Variants in GPD1L observed in about 807,000 individuals in gnomAD.
The protein encoded by GPD1L is glycerol-3-phosphate dehydrogenase 1-like protein.
In GPD1L, 17 loss-of-function variants were observed where a neutral mutation model predicts 32.9. That is an observed-to-expected ratio of 0.52 (90% CI 0.35 to 0.78). The LOEUF is 0.78. Ranked by LOEUF, GPD1L falls within the 30% of genes least tolerant of loss-of-function variation. The pLI is 0.01. For missense variants in GPD1L, 361 were observed against 447.8 expected, an observed-to-expected ratio of 0.81 and a Z score of 1.75; for synonymous variants, 187 against 165.9, an observed-to-expected ratio of 1.13 and a Z score of -0.98.
chr3:32,116,468 C>T (rs1700335044), intron 1 of GPD1L, among the ~76,000 whole-genome samples: 1 of 152,106 alleles, frequency 6.6e-6, no homozygotes, highest in Non-Finnish European at 1.5e-5. Context: ...GCAATGATGG[C>T]AGATAAATTT....
At chr3:32,118,977 T>C (rs1700369589) in intron 1 of GPD1L, among the ~76,000 whole-genome samples, 1 of 152,228 alleles carries the variant, frequency 6.6e-6, no homozygotes, top group South Asian at 2.1e-4. Context: ...TAATATCCCA[T>C]TGCATGTGTA....
At chr3:32,159,951 C>G (rs1038414092) in intron 7 of GPD1L, among the ~76,000 whole-genome samples, 1 of 152,110 alleles carries the variant, frequency 6.6e-6, no homozygotes, top group African/African-American at 2.4e-5. Flanking sequence ...TAGTTTGTCT[C>G]GCAGGGTGTT....
intron 5 of GPD1L, among the ~76,000 whole-genome samples, chr3:32,156,573 G>A (rs1359019278): frequency 6.6e-6 from 1 of 152,134 alleles, no homozygotes; most frequent in Non-Finnish European, 1.5e-5. Context: ...CTGTTCTGTG[G>A]GTCTGTGGGG....
intron 1 of GPD1L, among the ~76,000 whole-genome samples, chr3:32,123,850 A>G (rs1052467907): frequency 6.6e-6 from 1 of 151,326 alleles, no homozygotes; most frequent in African/African-American, 2.4e-5. Flanking sequence ...AGACAGACAG[A>G]TAAGACCCAT....
intron 5 of GPD1L, among the ~76,000 whole-genome samples, chr3:32,152,460 A>G (rs957825105): frequency 6.6e-6 from 1 of 152,228 alleles, no homozygotes; most frequent in South Asian, 2.1e-4. Flanking sequence ...GGGCACCAGC[A>G]GTTCTGGTGT....
At chr3:32,148,607 C>T (rs1022343344) in intron 5 of GPD1L, among the ~76,000 whole-genome samples, 10 of 152,158 alleles carry the variant, frequency 6.6e-5, no homozygotes, top group South Asian at 4.1e-4. Context: ...ATAAGGAAAT[C>T]GAGATCCAAA....
intron 1 of GPD1L, among the ~76,000 whole-genome samples, chr3:32,107,310 C>T (rs1700178463): frequency 6.6e-6 from 1 of 152,190 alleles, no homozygotes; most frequent in African/African-American, 2.4e-5. Flanking sequence ...GGAAGAAAAT[C>T]CAAGTTTCAA....
intron 1 of GPD1L, among the ~76,000 whole-genome samples, chr3:32,117,706 C>G (rs1248331020): frequency 6.6e-6 from 1 of 152,166 alleles, no homozygotes; most frequent in African/African-American, 2.4e-5. Flanking sequence ...GTAGAATATG[C>G]TTGTTTGAAG....
intron 5 of GPD1L, among the ~76,000 whole-genome samples, chr3:32,148,498 T>TA (rs1700865105): frequency 6.6e-6 from 1 of 152,194 alleles, no homozygotes; most frequent in Non-Finnish European, 1.5e-5. Context: ...CGAGATCAGT[T>TA]ACCATCATTC....
In GPD1L at chr3:32,116,034, C is replaced by T. The variant is rs940213543; in HGVS notation, c.47+9276C>T. 6.6e-5 allele frequency among the ~76,000 whole-genome samples: 10 copies of T among 151,886 alleles called. No homozygotes were observed. In the South Asian group the frequency reaches 1.9e-3, roughly 28 times the overall value. ...CGATCTCCTGACCTCGTGATGTGCC[C>T]GCCTCGGCCTCTCAAAGTGCTGGGT... On this transcript the variant is annotated intron_variant, in intron 1 of 7. Coordinates refer to ENST00000282541, the MANE Select transcript of GPD1L (RefSeq NM_015141.4).
At chr3:32,138,869 T>A in intron 3 of GPD1L, 142 bp downstream of exon 3, 1 of 849,504 alleles carries the variant, frequency 1.2e-6, no homozygotes. Context: ...TGCTCAAAAG[T>A]CATAAAAAAA....
At position 32,115,758 on chromosome 3, in the gene GPD1L, C is replaced by CTTTTTTTTTTTTTTTTTTTT. The variant is rs539068850; in HGVS notation, c.47+9029_47+9048dup. ...CTAAACCCTTTTCGTGTACGTTGAACTTTTTTTTTTTTTTTTTTTTTTTTT... is the reference window on the plus strand; with the variant it reads ...CTAAACCCTTTTCGTGTACGTTGAACTTTTTTTTTTTTTTTTTTTTTTTTTTTTTTTTTTTTTTTTTTTTT... On this transcript the variant is annotated intron_variant, in intron 1 of 7. Coordinates refer to ENST00000282541, the MANE Select transcript of GPD1L (RefSeq NM_015141.4). Among the ~76,000 whole-genome samples the CTTTTTTTTTTTTTTTTTTTT allele has an allele frequency of 3.1e-4, 14 of 45,086 alleles. 6 individuals are homozygous for CTTTTTTTTTTTTTTTTTTTT. Among genetic ancestry groups the CTTTTTTTTTTTTTTTTTTTT allele is most frequent in the Non-Finnish European group, 6.8e-4 (14 of 20,538 alleles). 29.6% of individuals were successfully genotyped at this position (45,086 alleles called of 152,430 possible).
At chr3:32,117,170 C>T (rs1700343895) in intron 1 of GPD1L, among the ~76,000 whole-genome samples, 1 of 152,096 alleles carries the variant, frequency 6.6e-6, no homozygotes, top group Non-Finnish European at 1.5e-5. Flanking sequence ...CTTTTTTATA[C>T]TTGTATAATA....
Position 32,121,916 on chromosome 3 carries a change from A to G in GPD1L, c.48-6160A>G, listed in dbSNP as rs570735767. Among the ~76,000 whole-genome samples the G allele has an allele frequency of 2.5e-4, 38 of 151,544 alleles. 1 individual carries two copies. The South Asian group carries it at 7.9e-3, about 32-fold the overall frequency. On this transcript the variant is annotated intron_variant, in intron 1 of 7. Coordinates refer to ENST00000282541, the MANE Select transcript of GPD1L (RefSeq NM_015141.4). The stretch of plus-strand genomic sequence containing the variant: ...CTCCTGAGGAGCTGGGATTACAGGC[A>G]CGCGCCACCACGCCCGGCTAATTTT...
At chr3:32,156,915 G>A (rs1329746305) in intron 5 of GPD1L, among the ~76,000 whole-genome samples, 1 of 148,358 alleles carries the variant, frequency 6.7e-6, no homozygotes, top group Non-Finnish European at 1.5e-5. Context: ...CTAAGTTCAT[G>A]TTTTAAAATC....
chr3:32,144,854 C>CA (rs774096008), intron 4 of GPD1L, among the ~76,000 whole-genome samples: 1 of 147,786 alleles, frequency 6.8e-6, no homozygotes, highest in African/African-American at 2.5e-5. Context: ...CACACACACA[C>CA]CACCACGCCA....
rs1337481979 is a variant in GPD1L at position 32,166,220 on chromosome 3, A to G, written c.*310A>G. ...AAATTTCCACACAATCGTAGCTTAT[A>G]AGATTGGAACGATCTCAGCCAAATA... is the stretch of plus-strand genomic sequence containing the variant. On this transcript the variant is annotated 3_prime_UTR_variant, in exon 8 of 8. Transcript: ENST00000282541. 4.9e-6 allele frequency: 2 copies of G among 408,102 alleles called. No individual in the cohort carries two copies. The highest frequency in any genetic ancestry group is 9.1e-6 in the Non-Finnish European group (2 of 219,202). The allele number at this position is 408,102 out of a possible 1,614,324, so 25.3% of individuals were successfully genotyped here.
At chr3:32,154,789 C>G (rs1471268922) in intron 5 of GPD1L, among the ~76,000 whole-genome samples, 1 of 151,910 alleles carries the variant, frequency 6.6e-6, no homozygotes, top group East Asian at 1.9e-4. Context: ...ACTCTGTCAC[C>G]CAGGCTGGAG....
chr3:32,168,112 A>T lies in GPD1L; in HGVS notation c.*2202A>T, dbSNP rs1378304702. ...GCTTCTTACTCTGGGTTTGTACTCGAGTGTTATTTCTTTACAAATGCCCTT... is the reference window on the plus strand; with the variant it reads ...GCTTCTTACTCTGGGTTTGTACTCGTGTGTTATTTCTTTACAAATGCCCTT... On this transcript the variant is annotated 3_prime_UTR_variant, in exon 8 of 8. Transcript: ENST00000282541. The T allele has an allele frequency of 6.6e-6, 1 of 152,170 alleles. No individual in the cohort carries two copies. The highest frequency in any genetic ancestry group is 1.5e-5 in the Non-Finnish European group (1 of 68,034). 9.4% of individuals were successfully genotyped at this position (152,170 alleles called of 1,614,324 possible).
Sources: allele counts gnomAD v4.1 joint callset (sites outside exome capture counted in the v4.1 genomes callset), GRCh38; gene constraint gnomAD v4.1.1; transcripts MANE v1.5; gene names NCBI Gene and HGNC (gene_info 2026-07-23, HGNC 2026-07-21).